Variants in PLCL1 observed in about 807,000 individuals in gnomAD.
The protein encoded by PLCL1 is inactive phospholipase C-like protein 1.
In PLCL1, 41 loss-of-function variants were observed where a neutral mutation model predicts 84.4. The observed-to-expected ratio is 0.49, with a 90% confidence interval of 0.38 to 0.63. PLCL1 has a LOEUF of 0.63. Among genes scored for constraint, PLCL1 ranks in the 30% least tolerant of loss-of-function variants. PLCL1 has a pLI of 0.00. For missense variants in PLCL1, 1,206 were observed against 1,367.8 expected (o/e 0.88, Z 1.87); for synonymous variants, 490 against 488.3 (o/e 1.00, Z -0.05).
At position 197,887,566 on chromosome 2, in the gene PLCL1, A is replaced by G. The variant is rs563862388; in HGVS notation, c.240+82227A>G. On this transcript the variant is annotated intron_variant, in intron 1 of 5. Coordinates refer to ENST00000428675, the MANE Select transcript of PLCL1 (RefSeq NM_006226.4). Reference sequence around the variant, plus strand: ...TTTCCTATACCATGGTCAATTCGGTATATGAAAAATTTTGATCTTATTTTA... The same window carrying G: ...TTTCCTATACCATGGTCAATTCGGTGTATGAAAAATTTTGATCTTATTTTA... Among the ~76,000 whole-genome samples, 25 of 152,314 alleles carry G rather than the reference A, an allele frequency of 1.6e-4. No homozygotes were observed. In the South Asian group the frequency reaches 5.2e-3, roughly 32 times the overall value.
At chr2:198,011,317 T>C (rs953490266) in intron 1 of PLCL1, among the ~76,000 whole-genome samples, 1 of 152,106 alleles carries the variant, frequency 6.6e-6, no homozygotes, top group African/African-American at 2.4e-5. Flanking sequence ...TGTTTTTCTT[T>C]TCACTTGTCT....
chr2:197,834,643 G>A (rs551687392), intron 1 of PLCL1, among the ~76,000 whole-genome samples: 3 of 152,178 alleles, frequency 2.0e-5, no homozygotes, highest in Non-Finnish European at 2.9e-5. Flanking sequence ...AAAAAGTCAG[G>A]AAACAACACA....
rs138595365 is a variant in PLCL1 at position 198,084,813 on chromosome 2, T to C, written c.1296T>C (p.Ile432=). The change falls in exon 2 of 6, where the codon ATT becomes ATC. Residue 432 remains isoleucine, a synonymous_variant. Transcript: ENST00000428675. ...FRGPADINGY[I]RALKMGCRSV... ...GGCCAGCTGACATCAATGGGTACAT[T>C]AGAGCTTTGAAAATGGGCTGTCGAA... 16 of 1,613,914 alleles carry C rather than the reference T, an allele frequency of 9.9e-6. No homozygotes were observed. The highest frequency in any genetic ancestry group is 8.0e-5 in the African/African-American group (6 of 74,910).
Sources: gnomAD v4.1 joint callset for allele counts (sites outside exome capture counted in the v4.1 genomes callset) on GRCh38, gnomAD v4.1.1 for gene constraint, MANE v1.5 for transcripts, NCBI Gene and HGNC (gene_info 2026-07-23, HGNC 2026-07-21) for gene names.